CMPK1: variants seen among roughly 807,000 people sequenced by gnomAD.
CMPK1 encodes UMP-CMP kinase.
In CMPK1, 10 loss-of-function variants were observed where a neutral mutation model predicts 25.7. The ratio of observed to expected loss-of-function variants is 0.39; its 90% CI spans 0.24 to 0.66. The LOEUF is 0.66. CMPK1 is among the 30% of genes least tolerant of loss of function. CMPK1 has a pLI of 0.48. For synonymous variants in CMPK1, 106 were observed against 101.5 expected, an observed-to-expected ratio of 1.04 and a Z score of -0.27; for missense variants, 199 against 280.5, an observed-to-expected ratio of 0.71 and a Z score of 2.08.
intron 1 of CMPK1, among the ~76,000 whole-genome samples, chr1:47,346,120 G>A (rs1646481793): frequency 6.6e-6 from 1 of 151,820 alleles, no homozygotes; most frequent in Non-Finnish European, 1.5e-5. Context: ...CTCCATCTTG[G>A]CTCACTGCAA....
chr1:47,366,624 A>C (rs1222159120), intron 1 of CMPK1, among the ~76,000 whole-genome samples: 2 of 152,186 alleles, frequency 1.3e-5, no homozygotes, highest in Non-Finnish European at 2.9e-5. Flanking sequence ...AACATGAGAC[A>C]CATGTGTATA....
At chr1:47,362,169 C>CTTTT (rs10639560) in intron 1 of CMPK1, among the ~76,000 whole-genome samples, 15 of 121,316 alleles carry the variant, frequency 1.2e-4, no homozygotes, top group African/African-American at 4.2e-4. Flanking sequence ...AGCACCCGGC[C>CTTTT]TTTTTTTTTT....
chr1:47,361,345 C>T (rs2622907), intron 1 of CMPK1, among the ~76,000 whole-genome samples: 63,690 of 151,938 alleles, frequency 0.42, 15,415 homozygotes, highest in South Asian at 0.55. Flanking sequence ...GCCGAGATCG[C>T]GCCACTGCAC....
chr1:47,345,795 G>C (rs960908226), intron 1 of CMPK1, among the ~76,000 whole-genome samples: 14 of 147,890 alleles, frequency 9.5e-5, no homozygotes, highest in African/African-American at 3.5e-4. Context: ...CCCTCTTGTT[G>C]TCCAGGCTGG....
chr1:47,340,304 C>G (rs1399738876), intron 1 of CMPK1, among the ~76,000 whole-genome samples: 1 of 123,710 alleles, frequency 8.1e-6, no homozygotes, highest in Non-Finnish European at 1.7e-5. Flanking sequence ...GACTCCGTCT[C>G]AAAAAAAAAA....
chr1:47,368,333 T>C, intron 1 of CMPK1, 136 bp from the exon 2 acceptor site: 2 of 607,224 alleles, frequency 3.3e-6, no homozygotes, highest in Non-Finnish European at 2.6e-6. Context: ...AATTTTTCTT[T>C]ATTATTTAAT....
chr1:47,373,802 GAAAA>G (rs566663698), intron 3 of CMPK1, among the ~76,000 whole-genome samples: 1 of 132,172 alleles, frequency 7.6e-6, no homozygotes, highest in African/African-American at 2.8e-5. Flanking sequence ...TCAAAAAAAA[GAAAA>G]AAAAAAAGAA....
intron 3 of CMPK1, among the ~76,000 whole-genome samples, chr1:47,373,710 T>A (rs1391181525): frequency 6.6e-6 from 1 of 151,646 alleles, no homozygotes. Context: ...GCAGGAGAAT[T>A]GCTTGAACCT....
At chr1:47,361,871 C>CT (rs34928345) in intron 1 of CMPK1, among the ~76,000 whole-genome samples, 31,933 of 125,762 alleles carry the variant, frequency 0.25, 5,381 homozygotes, top group East Asian at 0.72. Flanking sequence ...AAATACTACT[C>CT]TTTTTTTTTT....
chr1:47,341,460 C>T (rs1265932690), intron 1 of CMPK1, among the ~76,000 whole-genome samples: 1 of 152,044 alleles, frequency 6.6e-6, no homozygotes, highest in African/African-American at 2.4e-5. Context: ...CCTCTGCCTT[C>T]CAGGTTCAAG....
chr1:47,356,222 C>G (rs561479904), intron 1 of CMPK1, among the ~76,000 whole-genome samples: 3 of 151,890 alleles, frequency 2.0e-5, no homozygotes, highest in African/African-American at 7.2e-5. Context: ...TTTATTTTTT[C>G]CCAGATGGAT....
chr1:47,365,271 C>CTTT lies in CMPK1; in HGVS notation c.172-3185_172-3183dup, dbSNP rs34324996. Among the ~76,000 whole-genome samples the CTTT allele has an allele frequency of 9.6e-4, 132 of 137,204 alleles. 1 individual carries two copies. Among genetic ancestry groups the CTTT allele is most frequent in the Middle Eastern group, 3.8e-3 (1 of 266 alleles). 90.0% of individuals were successfully genotyped at this position (137,204 alleles called of 152,430 possible). On this transcript the variant is annotated intron_variant, in intron 1 of 5. Transcript: ENST00000371873. ...TGTGCATCATTTGTACCCTGAAGAT[C>CTTT]TTTTTTTTTTTTTTTGTCTTGTGTT...
At position 47,370,972 on chromosome 1, in the gene CMPK1, A is replaced by AAATAAATAAATG. The variant is rs1014527477; in HGVS notation, c.319-1982_319-1971dup. Among the ~76,000 whole-genome samples the AAATAAATAAATG allele has an allele frequency of 7.9e-5, 12 of 151,624 alleles. No individual in the cohort carries two copies. The East Asian group carries it at 1.9e-3, about 24-fold the overall frequency. The stretch of plus-strand genomic sequence containing the variant: ...ATTCCGCCTCAAAAAATAAATAAAT[A>AAATAAATAAATG]AATAAATAAATGTCACATCTGAAAA... On this transcript the variant is annotated intron_variant, in intron 2 of 5. Coordinates refer to ENST00000371873, the MANE Select transcript of CMPK1 (RefSeq NM_016308.3).
intron 1 of CMPK1, among the ~76,000 whole-genome samples, chr1:47,351,679 C>T (rs1226665155): frequency 1.3e-5 from 2 of 152,194 alleles, no homozygotes; most frequent in African/African-American, 2.4e-5. Flanking sequence ...ACAGGAGCTG[C>T]ACCATTTTAC....
intron 3 of CMPK1, 84 bp downstream of exon 3, chr1:47,373,191 T>C (rs1490127095): frequency 3.2e-6 from 4 of 1,248,334 alleles, no homozygotes; most frequent in African/African-American, 1.5e-5. Context: ...TTTTAACTTA[T>C]ATTTTATATT....
At chr1:47,372,452 A>G (rs1347277859) in intron 2 of CMPK1, among the ~76,000 whole-genome samples, 1 of 152,228 alleles carries the variant, frequency 6.6e-6, no homozygotes, top group Non-Finnish European at 1.5e-5. Context: ...GACTTGAATT[A>G]TATGAATAGC....
chr1:47,345,736 C>G (rs1379606056), intron 1 of CMPK1, among the ~76,000 whole-genome samples: 8 of 150,580 alleles, frequency 5.3e-5, no homozygotes, highest in African/African-American at 2.0e-4. Context: ...GGATTATAGG[C>G]ATGAGCCACT....
chr1:47,335,578 G>C (rs112851223), intron 1 of CMPK1, among the ~76,000 whole-genome samples: 184 of 149,156 alleles, frequency 1.2e-3, no homozygotes, highest in African/African-American at 4.3e-3. Flanking sequence ...CGGAGGTTGC[G>C]GTGAGCCCAT....
intron 3 of CMPK1, among the ~76,000 whole-genome samples, chr1:47,373,597 A>G (rs1646690287): frequency 6.6e-6 from 1 of 152,160 alleles, no homozygotes; most frequent in African/African-American, 2.4e-5. Context: ...GGAGTTCAAG[A>G]CCGGCCTGGC....
Sources: allele counts gnomAD v4.1 joint callset (sites outside exome capture counted in the v4.1 genomes callset), GRCh38; gene constraint gnomAD v4.1.1; transcripts MANE v1.5; gene names NCBI Gene and HGNC (gene_info 2026-07-23, HGNC 2026-07-21).